The following ZNF775 variants were observed in gnomAD, a reference collection of about 807,000 sequenced individuals.
ZNF775 encodes the protein zinc finger protein 775.
ZNF775 carries 1 observed loss-of-function variant against 2.4 expected under a neutral mutation model. The observed-to-expected ratio is 0.41, with a 90% confidence interval of 0.15 to 1.94. The LOEUF is 1.94. Ranked by LOEUF, ZNF775 falls within the 30% of genes most tolerant of loss-of-function variation. ZNF775 has a pLI of 0.30. For synonymous variants in ZNF775, 381 were observed against 373.3 expected, an observed-to-expected ratio of 1.02 and a Z score of -0.24; for missense variants, 823 against 826.6, an observed-to-expected ratio of 1.00 and a Z score of 0.05.
In ZNF775 at chr7:150,396,794, G is replaced by A. The variant is rs1254116445; in HGVS notation, c.313G>A (p.Gly105Ser). 1 of 1,598,916 alleles carries A rather than the reference G, an allele frequency of 6.3e-7. No individual in the cohort carries two copies. The highest frequency in any genetic ancestry group is 1.7e-5 in the Admixed American group (1 of 58,226). The change falls in exon 3 of 3, where the codon GGT becomes AGT. Residue 105 changes from glycine (G) to serine (S), a missense_variant. Gly to Ser is a moderately conservative substitution (Grantham distance 56). Coordinates refer to ENST00000329630, the MANE Select transcript of ZNF775 (RefSeq NM_173680.4). ...GAGCCCCTCGCTTTCCTCCGGCGAG[G>A]GTCACTTTGTATGCCTGGACTGCGG... ...PLSPSLSSGE[G>S]HFVCLDCGKR...
At chr7:150,381,651 G>C (rs1216662449) in intron 1 of ZNF775, among the ~76,000 whole-genome samples, 1 of 151,838 alleles carries the variant, frequency 6.6e-6, no homozygotes, top group Non-Finnish European at 1.5e-5. Context: ...CCCAGAGAAG[G>C]AAAGTGGTTT....
rs536879076 is a variant in ZNF775, at chr7:150,396,662, C to T, written c.181C>T (p.Arg61Ter). 5 of 1,610,698 alleles carry T rather than the reference C, an allele frequency of 3.1e-6. No homozygotes were observed. The highest frequency in any genetic ancestry group is 4.2e-6 in the Non-Finnish European group (5 of 1,179,278). Residue 61 changes from arginine to a stop codon, truncating the protein, a stop_gained, in exon 3 of 3, where the codon CGA (arginine) becomes TGA (stop). Transcript: ENST00000329630. LOFTEE classifies it low-confidence loss of function (END_TRUNC). ...GCCACGCCAGACCATGGGGCGGCCT[C>T]GAGCCCTGGGGGGACAGGAGGAGTC... Reference protein sequence around the residue: ...LPPRQTMGRPRALGGQEESGS... With the variant: ...LPPRQTMGRP
intron 2 of ZNF775, among the ~76,000 whole-genome samples, chr7:150,390,329 G>A (rs923196770): frequency 2.6e-5 from 4 of 152,114 alleles, no homozygotes; most frequent in Non-Finnish European, 5.9e-5. Flanking sequence ...ATTTGCGTCC[G>A]CCAGGGGCCC....
intron 2 of ZNF775, among the ~76,000 whole-genome samples, chr7:150,389,798 G>A (rs370692473): frequency 4.6e-5 from 7 of 152,154 alleles, no homozygotes; most frequent in African/African-American, 1.7e-4. Flanking sequence ...CACTCATCTG[G>A]AGGACCCCGT....
chr7:150,395,824 C>T (rs1248147187), intron 2 of ZNF775, among the ~76,000 whole-genome samples: 2 of 152,180 alleles, frequency 1.3e-5, no homozygotes, highest in African/African-American at 2.4e-5. Flanking sequence ...GGCGACACCT[C>T]TTTTGGGTGC....
chr7:150,390,010 C>T (rs1173113798), intron 2 of ZNF775, among the ~76,000 whole-genome samples: 1 of 152,054 alleles, frequency 6.6e-6, no homozygotes, highest in African/African-American at 2.4e-5. Context: ...GTGTAGCCAT[C>T]ACTGCCATCT....
At chr7:150,381,162 T>G (rs1800353357) in intron 1 of ZNF775, among the ~76,000 whole-genome samples, 2 of 142,140 alleles carry the variant, frequency 1.4e-5, no homozygotes, top group African/African-American at 2.7e-5. Flanking sequence ...TGAAGGGAGG[T>G]GGGTGAGGAG....
rs758218469 is a variant in ZNF775 at position 150,396,840 on chromosome 7, C to G, written c.359C>G (p.Ser120Trp). The G allele has an allele frequency of 6.2e-7, 1 of 1,602,136 alleles. No homozygotes were observed. Among genetic ancestry groups the G allele is most frequent in the South Asian group, 1.1e-5 (1 of 90,784 alleles). The change falls in exon 3 of 3, where the codon TCG becomes TGG. Residue 120 changes from serine to tryptophan, a missense_variant. Physicochemically the swap from Ser to Trp is radical, Grantham distance 177 (BLOSUM62 -3). Coordinates refer to ENST00000329630, the MANE Select transcript of ZNF775 (RefSeq NM_173680.4). The part of the protein sequence containing the change: ...LDCGKRFSWW[S>W]SLKIHQRTHT... Reference sequence around the variant, plus strand: ...TGCGGGAAGAGGTTCAGCTGGTGGTCGTCCCTGAAGATCCACCAGCGCACC... The same window carrying G: ...TGCGGGAAGAGGTTCAGCTGGTGGTGGTCCCTGAAGATCCACCAGCGCACC...
intron 2 of ZNF775, among the ~76,000 whole-genome samples, chr7:150,394,386 A>G (rs1469067279): frequency 6.6e-6 from 1 of 152,204 alleles, no homozygotes; most frequent in East Asian, 1.9e-4. Context: ...CAGGTTGTTA[A>G]TAATCATAAA....
In ZNF775 at chr7:150,397,021, G is replaced by A. The variant is rs755058972; in HGVS notation, c.540G>A (p.Lys180=). 3 of 1,598,876 alleles carry A rather than the reference G, an allele frequency of 1.9e-6. No individual in the cohort carries two copies. Among genetic ancestry groups the A allele is most frequent in the East Asian group, 2.2e-5 (1 of 44,772 alleles). Residue 180 remains lysine (K), a synonymous_variant, in exon 3 of 3, where the codon AAG becomes AAA. Transcript: ENST00000329630. ...TCAGCCAGAAGCAGCACCTGCTCAA[G>A]CACCAGAAGACCCACTCCCGGCCCG... ...RRFSQKQHLL[K]HQKTHSRPAT... is the part of the protein sequence containing the mutation.
rs1800681502 is a variant in ZNF775, at chr7:150,397,209, C to T, written c.728C>T (p.Pro243Leu). The change falls in exon 3 of 3, where the codon CCG becomes CTG. Residue 243 changes from proline to leucine, a missense_variant. Pro to Leu is a moderately conservative substitution (Grantham distance 98). Transcript: ENST00000329630. Reference sequence around the variant, plus strand: ...CGGGCCTGTCGCCTGCAGCCGGGGCCGCCGCGGGGGCGCCCCGAGTGGGCC... The same window carrying T: ...CGGGCCTGTCGCCTGCAGCCGGGGCTGCCGCGGGGGCGCCCCGAGTGGGCC... ...ARRACRLQPG[P>L]PRGRPEWAWL... 6 of 1,106,820 alleles carry T rather than the reference C, an allele frequency of 5.4e-6. No homozygotes were observed. The highest frequency in any genetic ancestry group is 4.2e-5 in the South Asian group (1 of 23,904). The allele number at this position is 1,106,820 out of a possible 1,614,324, so 68.6% of individuals were successfully genotyped here. A position where few individuals can be genotyped will look rare whatever the true frequency, so the allele number is the denominator to read the frequency against.
At chr7:150,386,929 AAAGTT>A (rs1800463625) in intron 1 of ZNF775, among the ~76,000 whole-genome samples, 1 of 152,174 alleles carries the variant, frequency 6.6e-6, no homozygotes, top group Non-Finnish European at 1.5e-5. Flanking sequence ...GGGGAACAGA[AAAGTT>A]AAGATCATGT....
At chr7:150,388,954 G>A (rs1183443442) in intron 2 of ZNF775, among the ~76,000 whole-genome samples, 1 of 152,218 alleles carries the variant, frequency 6.6e-6, no homozygotes, top group African/African-American at 2.4e-5. Context: ...GTCGTTATTG[G>A]CTAAGCCGCT....
At position 150,382,462 on chromosome 7, in the gene ZNF775, C is replaced by T. The variant is rs1258425860; in HGVS notation, c.-50+3070C>T. 6.6e-6 allele frequency among the ~76,000 whole-genome samples: 1 copy of T among 152,128 alleles called. No homozygotes were observed. The highest frequency in any genetic ancestry group is 1.5e-5 in the Non-Finnish European group (1 of 68,004). On this transcript the variant is annotated intron_variant, in intron 1 of 2. Transcript: ENST00000329630. The surrounding 1 kb of genome is among the most constrained non-coding windows in gnomAD (Gnocchi z 4.6). ...TGGGACTTGGGGTTCTTGATTAAGA[C>T]ATGGGGTCCTGAGGGGAGGGACCAG...
chr7:150,397,299 A>T lies in ZNF775; in HGVS notation c.818A>T (p.Glu273Val). Residue 273 changes from glutamate to valine, a missense_variant, in exon 3 of 3, where the codon GAG becomes GTG. Coordinates refer to ENST00000329630, the MANE Select transcript of ZNF775 (RefSeq NM_173680.4). ...GCCCGGGCCGCGGTCTCCGGCCCCG[A>T]GGGGCCGGGCGAGCCGCGCCAGTTC... ...PGARAAVSGP[E>V]GPGEPRQFIC... 1 of 1,560,692 alleles carries T rather than the reference A, an allele frequency of 6.4e-7. No homozygotes were observed. The highest frequency in any genetic ancestry group is 8.6e-7 in the Non-Finnish European group (1 of 1,159,034).
chr7:150,384,282 GACTTGGTGTGGGC>G lies in ZNF775; in HGVS notation c.-49-4136_-49-4124del, dbSNP rs1419361869. ...TGCGATAGACAAAGCGGCCTTCCAAGACTTGGTGTGGGCACTGGTGGGAGATGGCGCATCTGGC... is the reference window on the plus strand; with the variant it reads ...TGCGATAGACAAAGCGGCCTTCCAAGACTGGTGGGAGATGGCGCATCTGGC... On this transcript the variant is annotated intron_variant, in intron 1 of 2. Transcript: ENST00000329630. This position sits in a 1 kb window ranked among gnomAD's most constrained non-coding sequence, Gnocchi z 4.1. Among the ~76,000 whole-genome samples the G allele has an allele frequency of 6.6e-6, 1 of 152,248 alleles. No individual in the cohort carries two copies. The highest frequency in any genetic ancestry group is 1.5e-5 in the Non-Finnish European group (1 of 68,046).
chr7:150,384,432 C>T lies in ZNF775; in HGVS notation c.-49-3990C>T, dbSNP rs762503298. ...TCAGGATGGTAGGTTAGGAGGGGCC[C>T]GCCATGCACAGAGCAGAGTGAAAGG... On this transcript the variant is annotated intron_variant, in intron 1 of 2. Coordinates refer to ENST00000329630, the MANE Select transcript of ZNF775 (RefSeq NM_173680.4). The surrounding 1 kb of genome is among the most constrained non-coding windows in gnomAD (Gnocchi z 4.1). Among the ~76,000 whole-genome samples, 2 of 152,132 alleles carry T rather than the reference C, an allele frequency of 1.3e-5. No individual in the cohort carries two copies. The highest frequency in any genetic ancestry group is 2.4e-5 in the African/African-American group (1 of 41,424).
chr7:150,391,124 T>C (rs1345746888), intron 2 of ZNF775, among the ~76,000 whole-genome samples: 3 of 152,262 alleles, frequency 2.0e-5, no homozygotes, highest in Non-Finnish European at 4.4e-5. Context: ...TTGTCTATTC[T>C]ATATCTGCAC....
At position 150,397,567 on chromosome 7, in the gene ZNF775, C is replaced by T. The variant is rs7779451; in HGVS notation, c.1086C>T (p.Gly362=). ...LLKHLRTHLP[G]AQAAPCPSCG... ...AGCACCTGCGCACGCACCTGCCCGG[C>T]GCCCAGGCTGCGCCCTGCCCCAGCT... The change falls in exon 3 of 3, where the codon GGC becomes GGT. Residue 362 remains glycine, a synonymous_variant. Coordinates refer to ENST00000329630, the MANE Select transcript of ZNF775 (RefSeq NM_173680.4). The T allele has an allele frequency of 2.8e-3, 4,226 of 1,510,812 alleles. 101 individuals are homozygous for T. The African/African-American group carries it at 0.052, about 19-fold the overall frequency. 93.6% of individuals were successfully genotyped at this position (1,510,812 alleles called of 1,614,324 possible).
Sources: allele counts gnomAD v4.1 joint callset (sites outside exome capture counted in the v4.1 genomes callset), GRCh38; gene constraint gnomAD v4.1.1; non-coding constraint Gnocchi (gnomAD v3.1); transcripts MANE v1.5; gene names NCBI Gene and HGNC (gene_info 2026-07-23, HGNC 2026-07-21).